Variants in POLR3G observed in about 807,000 individuals in gnomAD.
POLR3G encodes the protein RNA polymerase III subunit G, also known as DNA-directed RNA polymerase III subunit RPC7.
POLR3G carries 28 observed loss-of-function variants against 30.1 expected under a neutral mutation model. The ratio of observed to expected loss-of-function variants is 0.93; its 90% CI spans 0.69 to 1.27. The LOEUF is 1.27. Among genes scored for constraint, POLR3G ranks in the 50% most tolerant of loss-of-function variants. POLR3G has a pLI of 0.00. For missense variants in POLR3G, 254 were observed against 264.6 expected, an observed-to-expected ratio of 0.96 and a Z score of 0.28; for synonymous variants, 79 against 82.5, an observed-to-expected ratio of 0.96 and a Z score of 0.23.
chr5:90,499,883 T>G (rs1229448303), intron 5 of POLR3G, among the ~76,000 whole-genome samples: 3 of 152,192 alleles, frequency 2.0e-5, no homozygotes, highest in African/African-American at 7.2e-5. Context: ...CTTCTGTCTT[T>G]TATACCGTTG....
At chr5:90,490,808 A>G (rs551399032) in intron 3 of POLR3G, 49 of 223,588 alleles carry the variant, frequency 2.2e-4, no homozygotes, top group Non-Finnish European at 4.0e-4. Flanking sequence ...ATATAGGTTT[A>G]TATAATATGT....
At chr5:90,505,335 T>C (rs2151913935) in intron 6 of POLR3G, among the ~76,000 whole-genome samples, 1 of 152,332 alleles carries the variant, frequency 6.6e-6, no homozygotes, top group Middle Eastern at 3.4e-3. Flanking sequence ...TGTGAAATTA[T>C]TGACTCCTGG....
intron 3 of POLR3G, among the ~76,000 whole-genome samples, chr5:90,488,570 T>C (rs1167847742): frequency 1.3e-5 from 2 of 152,158 alleles, no homozygotes; most frequent in Non-Finnish European, 2.9e-5. Flanking sequence ...AACATGACTT[T>C]TAATGACTGG....
intron 1 of POLR3G, among the ~76,000 whole-genome samples, chr5:90,475,958 G>T (rs941643600): frequency 6.6e-6 from 1 of 152,134 alleles, no homozygotes; most frequent in Non-Finnish European, 1.5e-5. Context: ...TGATCCGCCT[G>T]CCTCGGCCTC....
upstream of POLR3G, chr5:90,474,577 G>A (rs1262338022): frequency 1.7e-5 from 8 of 467,530 alleles, no homozygotes; most frequent in Non-Finnish European, 1.2e-5. Context: ...CTCGGCAGCC[G>A]CACCACGAGA....
intron 5 of POLR3G, among the ~76,000 whole-genome samples, chr5:90,499,558 C>T (rs1297880052): frequency 1.3e-5 from 2 of 152,054 alleles, no homozygotes; most frequent in African/African-American, 4.8e-5. Context: ...GAAATGGAGA[C>T]AGCTAGCATA....
At chr5:90,488,267 T>C (rs1751551254) in intron 3 of POLR3G, 138 bp downstream of exon 3, 1 of 659,200 alleles carries the variant, frequency 1.5e-6, no homozygotes, top group African/African-American at 1.9e-5. Context: ...AAGCTATTTA[T>C]GTTGCTTTAA....
intron 6 of POLR3G, among the ~76,000 whole-genome samples, chr5:90,503,540 A>C (rs1742890258): frequency 6.6e-6 from 1 of 152,128 alleles, no homozygotes; most frequent in African/African-American, 2.4e-5. Context: ...ATTGATCTGG[A>C]CCTCTGGGTT....
At chr5:90,510,362 G>T (rs529333373) in intron 7 of POLR3G, among the ~76,000 whole-genome samples, 1 of 151,602 alleles carries the variant, frequency 6.6e-6, no homozygotes, top group South Asian at 2.1e-4. Context: ...TGGGTGACAA[G>T]AGTGAGACTG....
chr5:90,486,482 C>T (rs917142043), intron 2 of POLR3G, among the ~76,000 whole-genome samples: 3 of 152,164 alleles, frequency 2.0e-5, no homozygotes, highest in Non-Finnish European at 2.9e-5. Context: ...AGGCTCTGCC[C>T]GATCTCTCCG....
chr5:90,499,471 C>A (rs1269546195), intron 5 of POLR3G, among the ~76,000 whole-genome samples: 1 of 152,158 alleles, frequency 6.6e-6, no homozygotes, highest in Non-Finnish European at 1.5e-5. Flanking sequence ...GTTATTGTGA[C>A]CTCAGTGAGA....
intron 5 of POLR3G, among the ~76,000 whole-genome samples, chr5:90,501,033 A>C (rs1456041922): frequency 4.6e-5 from 7 of 152,248 alleles, no homozygotes; most frequent in Non-Finnish European, 1.5e-5. Flanking sequence ...AGGAGTAAAA[A>C]AAATAATTAT....
chr5:90,487,574 A>G (rs1345483015), intron 2 of POLR3G, among the ~76,000 whole-genome samples: 8 of 151,080 alleles, frequency 5.3e-5, no homozygotes, highest in Admixed American at 5.3e-4. Context: ...TGTATTTTTA[A>G]TGGAGACAGG....
chr5:90,507,533 G>A lies in POLR3G; in HGVS notation c.585+859G>A, dbSNP rs1472738942. Among the ~76,000 whole-genome samples, 4 of 152,120 alleles carry A rather than the reference G, an allele frequency of 2.6e-5. No homozygotes were observed. The South Asian group carries it at 6.2e-4, about 24-fold the overall frequency. On this transcript the variant is annotated intron_variant, in intron 7 of 7. Coordinates refer to ENST00000651687, the MANE Select transcript of POLR3G (RefSeq NM_006467.3). ...CCTCATTTCTTAATTTGCTTTCCTCGTTGATTTTGAAATTCTTCTGGTATC... is the reference window on the plus strand; with the variant it reads ...CCTCATTTCTTAATTTGCTTTCCTCATTGATTTTGAAATTCTTCTGGTATC...
intron 5 of POLR3G, among the ~76,000 whole-genome samples, chr5:90,500,508 G>A (rs958445474): frequency 3.9e-5 from 6 of 152,000 alleles, no homozygotes; most frequent in Admixed American, 3.9e-4. Flanking sequence ...AATGTTTTTT[G>A]GCATTAATAT....
intron 3 of POLR3G, among the ~76,000 whole-genome samples, chr5:90,490,274 GT>G (rs67906055): frequency 0.042 from 5,575 of 131,510 alleles, 277 homozygotes; most frequent in African/African-American, 0.14. Flanking sequence ...AAATATAAGG[GT>G]TTTTTTTTTT....
intron 3 of POLR3G, among the ~76,000 whole-genome samples, chr5:90,494,756 G>T (rs1220307022): frequency 2.0e-5 from 3 of 151,664 alleles, no homozygotes; most frequent in Non-Finnish European, 2.9e-5. Context: ...TTCAATATCT[G>T]TTCTTTTATC....
intron 1 of POLR3G, among the ~76,000 whole-genome samples, chr5:90,480,823 G>T (rs1751086972): frequency 6.6e-6 from 1 of 152,190 alleles, no homozygotes; most frequent in Non-Finnish European, 1.5e-5. Flanking sequence ...GGCTCTTGCA[G>T]TTGTTTCTTA....
intron 1 of POLR3G, among the ~76,000 whole-genome samples, chr5:90,478,065 C>A (rs1479697138): frequency 6.6e-6 from 1 of 152,190 alleles, no homozygotes; most frequent in Non-Finnish European, 1.5e-5. Flanking sequence ...TCAGTGTGGA[C>A]AAGGAACTGT....
Sources: gnomAD v4.1 joint callset for allele counts (sites outside exome capture counted in the v4.1 genomes callset) on GRCh38, gnomAD v4.1.1 for gene constraint, MANE v1.5 for transcripts, NCBI Gene and HGNC (gene_info 2026-07-23, HGNC 2026-07-21) for gene names.